Variants in RSPH14 observed in about 807,000 individuals in gnomAD.
The protein encoded by RSPH14 is rhabdoid tumor deletion region gene 1.
RSPH14 carries 20 observed loss-of-function variants against 26.7 expected under a neutral mutation model. The ratio of observed to expected loss-of-function variants is 0.75; its 90% CI spans 0.53 to 1.09. The LOEUF (loss-of-function observed/expected upper bound fraction) is 1.09, where lower values mean the gene tolerates loss of function less well. Among genes scored for constraint, RSPH14 ranks in the 50% least tolerant of loss-of-function variants. RSPH14 has a pLI of 0.00. For missense variants in RSPH14, 449 were observed against 457.2 expected (o/e 0.98, Z 0.16); for synonymous variants, 177 against 189.3 (o/e 0.93, Z 0.53).
upstream of RSPH14, among the ~76,000 whole-genome samples, chr22:23,144,681 C>T (rs2070681067): frequency 6.7e-6 from 1 of 148,650 alleles, no homozygotes; most frequent in African/African-American, 2.5e-5. Context: ...AGCAAGACTC[C>T]ATCTCTTTAA....
At chr22:23,084,922 G>A (rs940434990) in intron 4 of RSPH14, among the ~76,000 whole-genome samples, 9 of 152,218 alleles carry the variant, frequency 5.9e-5, no homozygotes, top group Admixed American at 2.6e-4. Flanking sequence ...GACATCGCAC[G>A]TCCAGGTGCC....
intron 4 of RSPH14, among the ~76,000 whole-genome samples, chr22:23,080,424 C>T (rs889175746): frequency 6.6e-6 from 1 of 152,200 alleles, no homozygotes. Context: ...GAGGCCCAGC[C>T]GGGGCATAGC....
chr22:23,138,789 G>A (rs1467667111), intron 3 of RSPH14, 51 bp downstream of exon 3: 4 of 1,458,074 alleles, frequency 2.7e-6, no homozygotes, highest in East Asian at 2.5e-5. Flanking sequence ...TCCACCCAGG[G>A]GAGAAGTGCG....
At chr22:23,122,745 C>A in intron 4 of RSPH14, 1 of 307,692 alleles carries the variant, frequency 3.2e-6, no homozygotes, top group Non-Finnish European at 6.1e-6. Context: ...GATGGGGGGT[C>A]CTCGGAGCTG....
intron 5 of RSPH14, among the ~76,000 whole-genome samples, chr22:23,062,223 G>T (rs1421919905): frequency 2.0e-5 from 3 of 152,212 alleles, no homozygotes; most frequent in African/African-American, 7.2e-5. Context: ...GTTCTCCGTG[G>T]CCCCAAAATG....
chr22:23,091,572 C>A (rs905131881), intron 4 of RSPH14, among the ~76,000 whole-genome samples: 3 of 151,626 alleles, frequency 2.0e-5, no homozygotes, highest in Admixed American at 6.6e-5. Context: ...GCACACGCAC[C>A]GCAGTGGATT....
At chr22:23,161,125 T>C in the RSPH14 span, 1 of 1,215,576 alleles carries the variant, frequency 8.2e-7, no homozygotes, top group Non-Finnish European at 1.1e-6. Flanking sequence ...CCTTTGACCC[T>C]CCTCTCAGGG....
At chr22:23,141,283 C>T (rs868012223) in intron 1 of RSPH14, among the ~76,000 whole-genome samples, 2 of 146,318 alleles carry the variant, frequency 1.4e-5, no homozygotes, top group Non-Finnish European at 3.0e-5. Flanking sequence ...AAGCCAAGAT[C>T]GCGCCACTGC....
rs2146452353 is a variant in RSPH14 at position 23,138,855 on chromosome 22, C to T, written c.287G>A (p.Ser96Asn). The T allele has an allele frequency of 1.3e-6, 2 of 1,551,618 alleles. No homozygotes were observed. Among genetic ancestry groups the T allele is most frequent in the South Asian group, 1.2e-5 (1 of 84,070 alleles). Reference protein sequence around the residue: ...KTTEVLHITASHSVGRYAFLE... With the variant: ...KTTEVLHITANHSVGRYAFLE... ...AGCATCCCACCTGCCCACGCTATGG[C>T]TTGCCGTGATGTGGAGCACCTCGGT... The change falls in exon 3 of 7, where the codon AGC (serine) becomes AAC (asparagine). Residue 96 changes from serine (S) to asparagine (N), a missense_variant. By Grantham distance (46) the Ser-to-Asn change is conservative. Coordinates refer to ENST00000216036, the MANE Select transcript of RSPH14 (RefSeq NM_014433.3).
chr22:23,172,206 A>T, the RSPH14 span, among the ~76,000 whole-genome samples: 4 of 152,152 alleles, frequency 2.6e-5, no homozygotes, highest in East Asian at 7.7e-4. Context: ...TTTCTTTTTC[A>T]GACAGCGTCT....
Position 23,090,076 on chromosome 22 carries a change from C to T in RSPH14, c.422-25943G>A, listed in dbSNP as rs187221043. On this transcript the variant is annotated intron_variant, in intron 4 of 6. Transcript: ENST00000216036. ...GCAAACACTACACATCTGCTGGGGG[C>T]GGGGGCCAGGGACTGGATACTAGCT... Among the ~76,000 whole-genome samples the T allele has an allele frequency of 5.8e-3, 883 of 152,194 alleles. 4 individuals carry two copies. The highest frequency in any genetic ancestry group is 0.02 in the African/African-American group (826 of 41,500).
upstream of RSPH14, among the ~76,000 whole-genome samples, chr22:23,145,783 G>T (rs952640919): frequency 2.0e-5 from 3 of 152,254 alleles, no homozygotes; most frequent in African/African-American, 7.2e-5. Context: ...ACCGGACTCC[G>T]CCAGGACCAC....
the RSPH14 span, among the ~76,000 whole-genome samples, chr22:23,155,538 C>A: frequency 6.6e-6 from 1 of 152,200 alleles, no homozygotes; most frequent in Non-Finnish European, 1.5e-5. Context: ...CCAGTCACAC[C>A]CATCACCCAA....
At chr22:23,060,991 G>A (rs983920602) in intron 6 of RSPH14, among the ~76,000 whole-genome samples, 2 of 152,108 alleles carry the variant, frequency 1.3e-5, no homozygotes, top group Admixed American at 6.5e-5. Flanking sequence ...CCCTGCCACC[G>A]TGCAGTCAGC....
chr22:23,081,399 G>A (rs993953543), intron 4 of RSPH14, among the ~76,000 whole-genome samples: 1 of 152,192 alleles, frequency 6.6e-6, no homozygotes, highest in Admixed American at 6.5e-5. Context: ...GTACACGTGT[G>A]TCATTTCTTA....
chr22:23,095,685 G>A, intron 4 of RSPH14: 1 of 1,594,984 alleles, frequency 6.3e-7, no homozygotes, highest in Non-Finnish European at 8.5e-7. Context: ...TGGGCCCGCT[G>A]CTGCCAGACC....
chr22:23,086,777 C>A (rs1054454792), intron 4 of RSPH14, among the ~76,000 whole-genome samples: 2 of 152,220 alleles, frequency 1.3e-5, no homozygotes, highest in Admixed American at 6.5e-5. Context: ...TCTGTGGAGC[C>A]CACTTCCCAC....
At chr22:23,095,354 C>G in intron 4 of RSPH14, 2 of 293,766 alleles carry the variant, frequency 6.8e-6, no homozygotes, top group South Asian at 9.2e-5. Context: ...CCACAGCAAC[C>G]AGCAACCAGA....
chr22:23,059,780 C>T (rs1434568818), intron 6 of RSPH14, 62 bp from the exon 7 acceptor site: 3 of 1,471,524 alleles, frequency 2.0e-6, no homozygotes, highest in Non-Finnish European at 2.7e-6. Context: ...CACCCCCTCT[C>T]ACCCTAGCCC....
Sources: allele counts gnomAD v4.1 joint callset (sites outside exome capture counted in the v4.1 genomes callset), GRCh38; gene constraint gnomAD v4.1.1; transcripts MANE v1.5; gene names NCBI Gene and HGNC (gene_info 2026-07-23, HGNC 2026-07-21).